Variants in TMEM182 observed in about 807,000 individuals in gnomAD.
TMEM182 encodes transmembrane protein 182.
TMEM182 carries 20 observed loss-of-function variants against 26.8 expected under a neutral mutation model. That is an observed-to-expected ratio of 0.75 (90% confidence interval 0.53 to 1.09). The LOEUF (loss-of-function observed/expected upper bound fraction) is 1.09, where lower values mean the gene tolerates loss of function less well. Ranked by LOEUF, TMEM182 falls within the 50% of genes least tolerant of loss-of-function variation. The pLI is 0.00. For missense variants in TMEM182, 277 were observed against 275.5 expected (o/e 1.01, Z -0.04); for synonymous variants, 109 against 102.2 (o/e 1.07, Z -0.40).
chr2:102,816,990 T>C lies in TMEM182; in HGVS notation c.*2022T>C, dbSNP rs1378956511. The stretch of plus-strand genomic sequence containing the variant: ...ATATGACAATTGGCTGAATAGCTGA[T>C]GTGTATGACACTTTTACACAGATTT... On this transcript the variant is annotated 3_prime_UTR_variant, in exon 5 of 5. Transcript: ENST00000412401. 2.0e-6 allele frequency: 2 copies of C among 985,714 alleles called. No individual in the cohort carries two copies. Among genetic ancestry groups the C allele is most frequent in the Non-Finnish European group, 2.4e-6 (2 of 829,896 alleles). The allele number at this position is 985,714 out of a possible 1,614,324, so 61.1% of individuals were successfully genotyped here.
intron 3 of TMEM182, among the ~76,000 whole-genome samples, chr2:102,786,023 C>T (rs1333125232): frequency 6.9e-6 from 1 of 145,972 alleles, no homozygotes; most frequent in Non-Finnish European, 1.5e-5. Context: ...GATCACAGGT[C>T]TTTTCAGGTG....
chr2:102,743,265 A>G (rs142614105), intron 1 of TMEM182, among the ~76,000 whole-genome samples: 37 of 152,294 alleles, frequency 2.4e-4, no homozygotes, highest in African/African-American at 7.7e-4. Context: ...GGCAACCACA[A>G]AATGTTTTGA....
intron 3 of TMEM182, among the ~76,000 whole-genome samples, chr2:102,772,299 G>A (rs1680711774): frequency 2.0e-5 from 3 of 152,172 alleles, no homozygotes; most frequent in Non-Finnish European, 4.4e-5. Context: ...TTCAGAATCA[G>A]CCCTAAATTC....
In TMEM182 at chr2:102,815,286, G is replaced by T. The variant is rs1682703407; in HGVS notation, c.*318G>T. The T allele has an allele frequency of 1.9e-6, 2 of 1,030,696 alleles. No homozygotes were observed. The highest frequency in any genetic ancestry group is 5.5e-5 in the Admixed American group (1 of 18,024). The allele number at this position is 1,030,696 out of a possible 1,614,324, so 63.8% of individuals were successfully genotyped here. A position where few individuals can be genotyped will look rare whatever the true frequency, so the allele number is the denominator to read the frequency against. ...ATAATAGCTTAATACCATGACATGG[G>T]GAAAATCTCGATAGATTTGGCTTAA... On this transcript the variant is annotated 3_prime_UTR_variant, in exon 5 of 5. Coordinates refer to ENST00000412401, the MANE Select transcript of TMEM182 (RefSeq NM_144632.5).
chr2:102,823,421 C>T (rs1310565172), intron 3 of TMEM182, among the ~76,000 whole-genome samples: 1 of 152,144 alleles, frequency 6.6e-6, no homozygotes, highest in Non-Finnish European at 1.5e-5. Flanking sequence ...CAACCTCCGC[C>T]TCCTGGGTTC....
chr2:102,762,082 A>G lies in TMEM182; in HGVS notation c.-136A>G, dbSNP rs762757593. 14 of 728,464 alleles carry G rather than the reference A, an allele frequency of 1.9e-5. No homozygotes were observed. Among genetic ancestry groups the G allele is most frequent in the Non-Finnish European group, 3.0e-5 (14 of 464,526 alleles). 45.1% of individuals were successfully genotyped at this position (728,464 alleles called of 1,614,324 possible). On this transcript the variant is annotated 5_prime_UTR_variant, in exon 1 of 5. Coordinates refer to ENST00000412401, the MANE Select transcript of TMEM182 (RefSeq NM_144632.5). ...AAGCCACCAAAACATGAGCTAGGAC[A>G]GCCTTCTCAAGAAGATTCTGCCAAC...
chr2:102,827,490 C>T (rs1683055930), intron 3 of TMEM182, among the ~76,000 whole-genome samples: 1 of 152,204 alleles, frequency 6.6e-6, no homozygotes. Context: ...CTCAGCTTCA[C>T]GGCCCTCCAG....
intron 1 of TMEM182, among the ~76,000 whole-genome samples, chr2:102,745,045 T>G (rs1185647164): frequency 6.6e-6 from 1 of 152,126 alleles, no homozygotes; most frequent in African/African-American, 2.4e-5. Flanking sequence ...AGCAACACAT[T>G]GGTTAGACCA....
chr2:102,737,883 T>C (rs1007861107), intron 1 of TMEM182, among the ~76,000 whole-genome samples: 3 of 152,242 alleles, frequency 2.0e-5, no homozygotes, highest in African/African-American at 7.2e-5. Flanking sequence ...TACTGAGATT[T>C]TGCTCAAAAT....
chr2:102,757,260 G>A (rs1680070190), upstream of TMEM182, among the ~76,000 whole-genome samples: 1 of 152,116 alleles, frequency 6.6e-6, no homozygotes, highest in Non-Finnish European at 1.5e-5. Context: ...ATTTAGACTT[G>A]GGAGCACAGG....
chr2:102,811,624 C>A (rs1334431034), intron 4 of TMEM182, among the ~76,000 whole-genome samples: 1 of 152,166 alleles, frequency 6.6e-6, no homozygotes, highest in Non-Finnish European at 1.5e-5. Flanking sequence ...GGAAAAGCTT[C>A]CCTTTCCCTA....
intron 1 of TMEM182, among the ~76,000 whole-genome samples, chr2:102,740,294 G>A (rs1460973988): frequency 6.6e-6 from 1 of 152,190 alleles, no homozygotes; most frequent in African/African-American, 2.4e-5. Context: ...GAGGGACCAA[G>A]TGGGACATAA....
Position 102,764,294 on chromosome 2 carries a change from A to G in TMEM182, c.233-35A>G, listed in dbSNP as rs200844940. The G allele has an allele frequency of 2.0e-4, 316 of 1,601,620 alleles. 3 individuals are homozygous for G. The East Asian group carries it at 6.8e-3, about 35-fold the overall frequency. On this transcript the variant is annotated intron_variant, in intron 2 of 4. Coordinates refer to ENST00000412401, the MANE Select transcript of TMEM182 (RefSeq NM_144632.5). ...AGGATGAGTCATGACTGAGCTTTTCAATAACAAGTGCCATTGTTTTGCTGT... is the reference window on the plus strand; with the variant it reads ...AGGATGAGTCATGACTGAGCTTTTCGATAACAAGTGCCATTGTTTTGCTGT...
chr2:102,771,773 C>T (rs1043899757), intron 3 of TMEM182, among the ~76,000 whole-genome samples: 12 of 152,176 alleles, frequency 7.9e-5, no homozygotes, highest in African/African-American at 2.9e-4. Context: ...CAGGATTTCT[C>T]AACCTTCACA....
intron 3 of TMEM182, among the ~76,000 whole-genome samples, chr2:102,791,395 T>A (rs1022750520): frequency 3.9e-5 from 6 of 152,232 alleles, no homozygotes; most frequent in Non-Finnish European, 7.3e-5. Context: ...TCAGTCTAGA[T>A]CTACTAGAAT....
intron 3 of TMEM182, among the ~76,000 whole-genome samples, chr2:102,830,900 T>C (rs1683137439): frequency 6.6e-6 from 1 of 152,160 alleles, no homozygotes; most frequent in African/African-American, 2.4e-5. Flanking sequence ...CTACTCTCTA[T>C]GTCCATGAGT....
At chr2:102,782,417 T>C (rs1012758952) in intron 3 of TMEM182, among the ~76,000 whole-genome samples, 1 of 152,122 alleles carries the variant, frequency 6.6e-6, no homozygotes, top group African/African-American at 2.4e-5. Flanking sequence ...TTATAAAAAT[T>C]ATTAATACCA....
chr2:102,826,254 C>T (rs559605749), intron 3 of TMEM182, among the ~76,000 whole-genome samples: 2 of 149,808 alleles, frequency 1.3e-5, no homozygotes, highest in Non-Finnish European at 3.0e-5. Flanking sequence ...TTCCTCCAAG[C>T]AAAATAACTG....
intron 4 of TMEM182, among the ~76,000 whole-genome samples, chr2:102,811,533 G>A (rs766450181): frequency 7.9e-5 from 12 of 152,034 alleles, no homozygotes; most frequent in South Asian, 2.1e-4. Context: ...TTTCTTCTCC[G>A]AATTATTTTT....
Sources: allele counts gnomAD v4.1 joint callset (sites outside exome capture counted in the v4.1 genomes callset), GRCh38; gene constraint gnomAD v4.1.1; transcripts MANE v1.5; gene names NCBI Gene and HGNC (gene_info 2026-07-23, HGNC 2026-07-21).